Variants in INPP4B observed in about 807,000 individuals in gnomAD.
INPP4B encodes the protein inositol polyphosphate-4-phosphatase type II B.
A neutral mutation model predicts 122.5 loss-of-function variants in INPP4B; 55 were observed. The ratio of observed to expected loss-of-function variants is 0.45; its 90% CI spans 0.36 to 0.56. INPP4B has a LOEUF of 0.56. INPP4B is among the 20% of genes least tolerant of loss of function. The probability of loss-of-function intolerance (pLI) is 0.00; values close to 1 mark genes in which losing one functional copy is unlikely to be tolerated. For missense variants in INPP4B, 1,000 were observed against 1,097.7 expected, an observed-to-expected ratio of 0.91 and a Z score of 1.26; for synonymous variants, 403 against 388.7, an observed-to-expected ratio of 1.04 and a Z score of -0.43.
At chr4:142,539,247 T>C (rs888647396) in intron 2 of INPP4B, among the ~76,000 whole-genome samples, 1 of 151,576 alleles carries the variant, frequency 6.6e-6, no homozygotes, top group Admixed American at 6.6e-5. Context: ...AACATGACAA[T>C]ATAACAACAA....
intron 1 of INPP4B, among the ~76,000 whole-genome samples, chr4:142,756,307 T>C (rs1426216182): frequency 6.6e-6 from 1 of 152,152 alleles, no homozygotes; most frequent in East Asian, 1.9e-4. Context: ...AAGATTTTCA[T>C]GACATTAGAA....
chr4:142,628,088 G>C (rs1301483537), intron 2 of INPP4B, among the ~76,000 whole-genome samples: 1 of 151,778 alleles, frequency 6.6e-6, no homozygotes, highest in East Asian at 1.9e-4. Context: ...TATAAATCAT[G>C]CTGCTATAAA....
chr4:142,451,977 A>C (rs1018305123), intron 3 of INPP4B, among the ~76,000 whole-genome samples: 30 of 152,096 alleles, frequency 2.0e-4, no homozygotes, highest in African/African-American at 7.0e-4. Context: ...ATAGGTATAC[A>C]TGTGCCATGT....
chr4:142,347,496 G>C, intron 7 of INPP4B: 1 of 441,844 alleles, frequency 2.3e-6, no homozygotes, highest in South Asian at 1.6e-5. Flanking sequence ...GTCAATACTG[G>C]TTTGAACACT....
chr4:142,641,912 C>A (rs866445778), intron 2 of INPP4B, among the ~76,000 whole-genome samples: 7 of 152,194 alleles, frequency 4.6e-5, no homozygotes, highest in Admixed American at 6.5e-5. Context: ...TATTTCTCCA[C>A]ATCCTCTCCA....
At chr4:142,380,855 T>C (rs139642501) in intron 7 of INPP4B, among the ~76,000 whole-genome samples, 1 of 152,212 alleles carries the variant, frequency 6.6e-6, no homozygotes, top group African/African-American at 2.4e-5. Context: ...TGTTAAATAC[T>C]ATTTCTGAAA....
intron 5 of INPP4B, chr4:142,423,710 T>C (rs1184514642): frequency 4.9e-6 from 2 of 405,214 alleles, no homozygotes; most frequent in Non-Finnish European, 9.6e-6. Flanking sequence ...TACAGATGTA[T>C]ACTGAATTGC....
At chr4:142,137,870 A>C (rs1296165948) in intron 18 of INPP4B, among the ~76,000 whole-genome samples, 6 of 151,772 alleles carry the variant, frequency 4.0e-5, no homozygotes, top group Admixed American at 1.3e-4. Flanking sequence ...GGCAATCATT[A>C]AAAAGTCAGG....
At chr4:142,413,254 C>CAAGA (rs1357764082) in intron 5 of INPP4B, among the ~76,000 whole-genome samples, 2 of 151,846 alleles carry the variant, frequency 1.3e-5, no homozygotes, top group Admixed American at 1.3e-4. Context: ...TCTTTCTCTC[C>CAAGA]AAGAAAGACA....
At chr4:142,256,554 C>G (rs1285070726) in intron 11 of INPP4B, among the ~76,000 whole-genome samples, 2 of 152,090 alleles carry the variant, frequency 1.3e-5, no homozygotes, top group Non-Finnish European at 2.9e-5. Context: ...ATACAAACTA[C>G]CATCAGAGAA....
chr4:142,354,025 T>C (rs1782779523), intron 7 of INPP4B, among the ~76,000 whole-genome samples: 1 of 152,008 alleles, frequency 6.6e-6, no homozygotes, highest in Non-Finnish European at 1.5e-5. Context: ...ATTGACATAA[T>C]GCCGTTCAAG....
intron 2 of INPP4B, among the ~76,000 whole-genome samples, chr4:142,712,992 TAAGG>T (rs1763299960): frequency 1.3e-5 from 2 of 152,238 alleles, no homozygotes; most frequent in African/African-American, 4.8e-5. Context: ...TGCTAGAACC[TAAGG>T]AAAGGAAAGA....
chr4:142,600,818 G>T (rs1739731814), intron 2 of INPP4B, among the ~76,000 whole-genome samples: 1 of 151,938 alleles, frequency 6.6e-6, no homozygotes, highest in Non-Finnish European at 1.5e-5. Flanking sequence ...ACCAATAGAG[G>T]CACATATAAA....
chr4:142,586,647 TAGTA>T (rs1736272451), intron 2 of INPP4B, among the ~76,000 whole-genome samples: 1 of 152,108 alleles, frequency 6.6e-6, no homozygotes, highest in Non-Finnish European at 1.5e-5. Flanking sequence ...AGGCTAGTGG[TAGTA>T]AGTATTGCTA....
chr4:142,561,405 T>G (rs1730439893), intron 2 of INPP4B, among the ~76,000 whole-genome samples: 1 of 137,920 alleles, frequency 7.3e-6, no homozygotes, highest in Non-Finnish European at 1.5e-5. Flanking sequence ...AAAGTTTCTT[T>G]GTTTTTTTGT....
rs140447364 is a variant in INPP4B at position 142,149,155 on chromosome 4, A to G, written c.1564-3159T>C. ...GTACTGATGTGTGTTTCTGTCTCTAATATTAGACTGAGTTATTTGAGAACT... is the reference window on the plus strand; with the variant it reads ...GTACTGATGTGTGTTTCTGTCTCTAGTATTAGACTGAGTTATTTGAGAACT... On this transcript the variant is annotated intron_variant, in intron 17 of 25. Coordinates refer to ENST00000262992, the MANE Select transcript of INPP4B (RefSeq NM_001101669.3). Among the ~76,000 whole-genome samples, 492 of 152,292 alleles carry G rather than the reference A, an allele frequency of 3.2e-3. 3 individuals carry two copies. Among genetic ancestry groups the G allele is most frequent in the African/African-American group, 0.011 (444 of 41,552 alleles).
intron 25 of INPP4B, among the ~76,000 whole-genome samples, chr4:142,034,284 T>A (rs1440853163): frequency 6.6e-6 from 1 of 151,810 alleles, no homozygotes; most frequent in Non-Finnish European, 1.5e-5. Flanking sequence ...ACTATAGGAG[T>A]GGGGGTACTG....
intron 2 of INPP4B, among the ~76,000 whole-genome samples, chr4:142,606,036 A>G (rs1387178993): frequency 6.6e-6 from 1 of 152,080 alleles, no homozygotes; most frequent in Non-Finnish European, 1.5e-5. Context: ...AATGTGGTAT[A>G]CATATGCAAT....
intron 2 of INPP4B, among the ~76,000 whole-genome samples, chr4:142,651,872 T>G (rs1228858337): frequency 6.6e-6 from 1 of 152,212 alleles, no homozygotes; most frequent in Non-Finnish European, 1.5e-5. Context: ...ACTCATTTTA[T>G]GCAGCCAGCA....
Sources: allele counts gnomAD v4.1 joint callset (sites outside exome capture counted in the v4.1 genomes callset), GRCh38; gene constraint gnomAD v4.1.1; transcripts MANE v1.5; gene names NCBI Gene and HGNC (gene_info 2026-07-23, HGNC 2026-07-21).